The following TMTC2 variants were observed in gnomAD, a reference collection of about 807,000 sequenced individuals.
The protein encoded by TMTC2 is transmembrane O-mannosyltransferase targeting cadherins 2.
TMTC2 carries 43 observed loss-of-function variants against 82.4 expected under a neutral mutation model. That is an observed-to-expected ratio of 0.52 (90% CI 0.41 to 0.67). TMTC2 has a LOEUF of 0.67. Ranked by LOEUF, TMTC2 falls within the 30% of genes least tolerant of loss-of-function variation. TMTC2 has a pLI of 0.00. For missense variants in TMTC2, 919 were observed against 1,012.4 expected, an observed-to-expected ratio of 0.91 and a Z score of 1.25; for synonymous variants, 408 against 381.9, an observed-to-expected ratio of 1.07 and a Z score of -0.80.
intron 1 of TMTC2, among the ~76,000 whole-genome samples, chr12:82,807,762 C>T (rs1879310240): frequency 6.6e-6 from 1 of 151,950 alleles, no homozygotes; most frequent in Non-Finnish European, 1.5e-5. Context: ...TGATCTAATA[C>T]TCCTACAATA....
intron 1 of TMTC2, among the ~76,000 whole-genome samples, chr12:82,787,429 A>G (rs1045395054): frequency 3.9e-5 from 6 of 152,150 alleles, no homozygotes; most frequent in African/African-American, 7.2e-5. Context: ...GAACCTAGTT[A>G]TATGTAAATG....
intron 1 of TMTC2, among the ~76,000 whole-genome samples, chr12:82,822,230 G>A (rs2137064543): frequency 6.6e-6 from 1 of 152,278 alleles, no homozygotes; most frequent in African/African-American, 2.4e-5. Context: ...ATATGTAATG[G>A]TGGATACATT....
intron 1 of TMTC2, among the ~76,000 whole-genome samples, chr12:82,802,180 G>A (rs1467600012): frequency 6.6e-6 from 1 of 152,170 alleles, no homozygotes; most frequent in Non-Finnish European, 1.5e-5. Flanking sequence ...AGGCAGCTAA[G>A]GCCCCGTGAG....
chr12:82,901,852 C>A (rs1006262855), intron 3 of TMTC2, among the ~76,000 whole-genome samples: 1 of 152,106 alleles, frequency 6.6e-6, no homozygotes, highest in Non-Finnish European at 1.5e-5. Context: ...CCCACAGACT[C>A]AGTTTGCTTT....
intron 11 of TMTC2, among the ~76,000 whole-genome samples, chr12:83,104,751 G>A: frequency 6.6e-6 from 1 of 152,142 alleles, no homozygotes. Context: ...GCTCCATTTT[G>A]GTTCTGCAAA....
intron 8 of TMTC2, among the ~76,000 whole-genome samples, chr12:83,000,651 C>T (rs1879879721): frequency 6.6e-6 from 1 of 152,094 alleles, no homozygotes; most frequent in Non-Finnish European, 1.5e-5. Context: ...ATCTACCATT[C>T]TGGGGTCTGG....
At chr12:82,780,377 T>G (rs1400174500) in intron 1 of TMTC2, among the ~76,000 whole-genome samples, 1 of 152,136 alleles carries the variant, frequency 6.6e-6, no homozygotes. Flanking sequence ...AATAGATAAC[T>G]TTCTGATAAC....
chr12:82,937,303 G>A (rs1876369623), intron 4 of TMTC2, among the ~76,000 whole-genome samples: 1 of 151,972 alleles, frequency 6.6e-6, no homozygotes, highest in Non-Finnish European at 1.5e-5. Context: ...TGGTTTCTTG[G>A]CAATCTTTAG....
chr12:82,777,491 C>G (rs1440390610), intron 1 of TMTC2, among the ~76,000 whole-genome samples: 1 of 152,014 alleles, frequency 6.6e-6, no homozygotes, highest in Non-Finnish European at 1.5e-5. Context: ...ATTTCTTTTT[C>G]AGGGTATTTT....
chr12:82,817,898 G>A (rs181888385), intron 1 of TMTC2, among the ~76,000 whole-genome samples: 1 of 152,206 alleles, frequency 6.6e-6, no homozygotes. Context: ...GTTGACCTTT[G>A]AGATAATGGA....
At chr12:82,748,984 T>G (rs1291224756) in intron 1 of TMTC2, among the ~76,000 whole-genome samples, 1 of 152,266 alleles carries the variant, frequency 6.6e-6, no homozygotes, top group Non-Finnish European at 1.5e-5. Context: ...ATACATAGTT[T>G]GTGCTACGCA....
intron 11 of TMTC2, among the ~76,000 whole-genome samples, chr12:83,092,562 T>C (rs1883879504): frequency 6.6e-6 from 1 of 152,162 alleles, no homozygotes; most frequent in Admixed American, 6.5e-5. Flanking sequence ...GGAAACCAGA[T>C]TGTATTGGGG....
At chr12:82,770,723 G>A (rs12317408) in intron 1 of TMTC2, among the ~76,000 whole-genome samples, 5,035 of 152,190 alleles carry the variant, frequency 0.033, 267 homozygotes, top group African/African-American at 0.11. Flanking sequence ...CTGGGCTCAA[G>A]TAGTCCTCCT....
At chr12:82,940,471 A>T (rs76659463) in intron 4 of TMTC2, among the ~76,000 whole-genome samples, 1 of 151,952 alleles carries the variant, frequency 6.6e-6, no homozygotes, top group Non-Finnish European at 1.5e-5. Context: ...CTTTTATTCT[A>T]TTTTAAATTG....
intron 8 of TMTC2, among the ~76,000 whole-genome samples, chr12:83,006,278 C>G (rs1031115085): frequency 3.3e-5 from 5 of 151,996 alleles, no homozygotes; most frequent in African/African-American, 1.2e-4. Flanking sequence ...TGTTTTCTCC[C>G]AAAAGATCTG....
intron 1 of TMTC2, among the ~76,000 whole-genome samples, chr12:82,714,039 A>G (rs1873777488): frequency 1.3e-5 from 2 of 152,334 alleles, no homozygotes; most frequent in Admixed American, 1.3e-4. Flanking sequence ...ATTGCGAGGG[A>G]AATTAAGCAC....
Position 82,896,222 on chromosome 12 carries a change from C to T in TMTC2, c.1059C>T (p.Ser353=). The T allele has an allele frequency of 6.2e-7, 1 of 1,614,070 alleles. No individual in the cohort carries two copies. The highest frequency in any genetic ancestry group is 1.1e-5 in the South Asian group (1 of 91,076). ...TNGKQNANGH[S]CLSDVEYQNS... ...GCAAGCAGAATGCAAATGGACATAGCTGCCTTTCAGATGTGGAGTACCAGA... is the reference window on the plus strand; with the variant it reads ...GCAAGCAGAATGCAAATGGACATAGTTGCCTTTCAGATGTGGAGTACCAGA... Residue 353 remains serine, a synonymous_variant, in exon 3 of 12, where the codon AGC becomes AGT. Transcript: ENST00000321196.
At chr12:82,743,480 C>T (rs1286909771) in intron 1 of TMTC2, among the ~76,000 whole-genome samples, 1 of 151,666 alleles carries the variant, frequency 6.6e-6, no homozygotes, top group Non-Finnish European at 1.5e-5. Context: ...AGATATATGG[C>T]TTTTAGTACC....
chr12:83,068,845 T>C (rs1883010919), intron 11 of TMTC2, among the ~76,000 whole-genome samples: 1 of 152,090 alleles, frequency 6.6e-6, no homozygotes, highest in Non-Finnish European at 1.5e-5. Flanking sequence ...TGTAGTCTTT[T>C]ATCCCTCGCC....
Sources: gnomAD v4.1 joint callset for allele counts (sites outside exome capture counted in the v4.1 genomes callset) on GRCh38, gnomAD v4.1.1 for gene constraint, MANE v1.5 for transcripts, NCBI Gene and HGNC (gene_info 2026-07-23, HGNC 2026-07-21) for gene names.